Variants in TNR observed in about 807,000 individuals in gnomAD.
The protein encoded by TNR is tenascin-R.
Under a neutral mutation model 150.4 loss-of-function variants are expected in TNR, and 45 were observed. The ratio of observed to expected loss-of-function variants is 0.30; its 90% CI spans 0.24 to 0.38. The LOEUF (loss-of-function observed/expected upper bound fraction) is 0.38. Among genes scored for constraint, TNR ranks in the 10% least tolerant of loss-of-function variants. The probability of loss-of-function intolerance (pLI) is 1.00; values close to 1 mark genes in which losing one functional copy is unlikely to be tolerated. For synonymous variants in TNR, 687 were observed against 678.4 expected (o/e 1.01, Z -0.20); for missense variants, 1,544 against 1,759.1 (o/e 0.88, Z 2.19).
intron 1 of TNR, among the ~76,000 whole-genome samples, chr1:175,589,886 T>C (rs373136553): frequency 3.5e-4 from 54 of 152,178 alleles, no homozygotes; most frequent in African/African-American, 1.3e-3. Flanking sequence ...TTAGGAGAAA[T>C]ACCTAATGTA....
At chr1:175,354,314 A>G in intron 18 of TNR, 77 bp downstream of exon 18, 1 of 1,559,006 alleles carries the variant, frequency 6.4e-7, no homozygotes, top group Non-Finnish European at 8.7e-7. Flanking sequence ...TCCCAGAGCA[A>G]GTCTCAGCAG....
chr1:175,460,326 C>T (rs954883314), intron 2 of TNR, among the ~76,000 whole-genome samples: 17 of 152,186 alleles, frequency 1.1e-4, no homozygotes, highest in Middle Eastern at 3.4e-3. Flanking sequence ...CAAAGCAAGT[C>T]CAAGAGACCC....
intron 1 of TNR, among the ~76,000 whole-genome samples, chr1:175,565,465 T>C (rs1230093641): frequency 6.6e-6 from 1 of 152,194 alleles, no homozygotes; most frequent in Non-Finnish European, 1.5e-5. Flanking sequence ...TGAATAATAA[T>C]GCCACCCACT....
At chr1:175,696,478 C>T (rs1452606234) in intron 1 of TNR, among the ~76,000 whole-genome samples, 1 of 151,926 alleles carries the variant, frequency 6.6e-6, no homozygotes, top group Non-Finnish European at 1.5e-5. Context: ...CCTTAATTGA[C>T]AAGCCTTGAG....
At chr1:175,600,177 T>C (rs1372773786) in intron 1 of TNR, among the ~76,000 whole-genome samples, 3 of 152,208 alleles carry the variant, frequency 2.0e-5, no homozygotes, top group Non-Finnish European at 4.4e-5. Flanking sequence ...TCTGCATTTG[T>C]ACAATGGAGA....
At chr1:175,588,215 T>C (rs765602551) in intron 1 of TNR, among the ~76,000 whole-genome samples, 9 of 152,362 alleles carry the variant, frequency 5.9e-5, no homozygotes, top group South Asian at 2.1e-4. Flanking sequence ...AATTCAAGCA[T>C]TGAATAAGCA....
chr1:175,411,243 G>A (rs531488971), intron 2 of TNR, among the ~76,000 whole-genome samples: 11 of 152,102 alleles, frequency 7.2e-5, no homozygotes, highest in Non-Finnish European at 1.5e-4. Flanking sequence ...AAGTGTTCAG[G>A]TACAAGCGGA....
chr1:175,435,186 G>A (rs1655446389), intron 2 of TNR, among the ~76,000 whole-genome samples: 1 of 152,148 alleles, frequency 6.6e-6, no homozygotes, highest in Non-Finnish European at 1.5e-5. Flanking sequence ...GTGCAAGTTG[G>A]AAGTAGAAAT....
At chr1:175,619,968 C>G (rs760279032) in intron 1 of TNR, among the ~76,000 whole-genome samples, 1 of 152,192 alleles carries the variant, frequency 6.6e-6, no homozygotes, top group Non-Finnish European at 1.5e-5. Flanking sequence ...ACTTACCCAT[C>G]TATAAAATGG....
intron 1 of TNR, among the ~76,000 whole-genome samples, chr1:175,671,586 G>A (rs1390872742): frequency 1.3e-5 from 2 of 152,244 alleles, no homozygotes; most frequent in Non-Finnish European, 2.9e-5. Flanking sequence ...AGTACAGCAA[G>A]TGAAATTTGA....
intron 1 of TNR, among the ~76,000 whole-genome samples, chr1:175,640,791 G>GTATATATATA (rs59240572): frequency 2.2e-4 from 32 of 143,644 alleles, no homozygotes; most frequent in African/African-American, 4.9e-4. Context: ...GTGTGTGTGG[G>GTATATATATA]TATATATATA....
At chr1:175,420,044 G>A (rs1377396075) in intron 2 of TNR, among the ~76,000 whole-genome samples, 8 of 152,236 alleles carry the variant, frequency 5.3e-5, no homozygotes, top group Admixed American at 1.3e-4. Context: ...AGGCTGCCTC[G>A]GGCTGGCTGT....
At chr1:175,388,667 C>G (rs905855723) in intron 7 of TNR, among the ~76,000 whole-genome samples, 1 of 152,222 alleles carries the variant, frequency 6.6e-6, no homozygotes, top group Non-Finnish European at 1.5e-5. Flanking sequence ...TTGCTTTCAG[C>G]TTTGGTCCTA....
chr1:175,515,344 C>G (rs1447072871), intron 2 of TNR, among the ~76,000 whole-genome samples: 1 of 152,164 alleles, frequency 6.6e-6, no homozygotes, highest in East Asian at 1.9e-4. Flanking sequence ...ATTGAATGCT[C>G]TGTTCAATAA....
intron 9 of TNR, among the ~76,000 whole-genome samples, chr1:175,377,660 C>T (rs568091332): frequency 4.6e-5 from 7 of 152,224 alleles, no homozygotes; most frequent in African/African-American, 1.4e-4. Context: ...TTTACTTTAA[C>T]TGGCTGTGTT....
At chr1:175,401,262 C>T (rs1408743514) in intron 4 of TNR, among the ~76,000 whole-genome samples, 2 of 152,110 alleles carry the variant, frequency 1.3e-5, no homozygotes, top group Admixed American at 1.3e-4. Context: ...CAGGTATGTC[C>T]AGACCGCCAA....
chr1:175,487,869 A>T (rs1444873506), intron 2 of TNR, among the ~76,000 whole-genome samples: 1 of 152,176 alleles, frequency 6.6e-6, no homozygotes, highest in East Asian at 1.9e-4. Context: ...CTGATCACTT[A>T]TCAGGAATTT....
chr1:175,515,183 A>G (rs1023089441), intron 2 of TNR, among the ~76,000 whole-genome samples: 3 of 152,180 alleles, frequency 2.0e-5, no homozygotes, highest in Non-Finnish European at 4.4e-5. Context: ...TATTTCTTGT[A>G]TTCTGTCATT....
intron 1 of TNR, among the ~76,000 whole-genome samples, chr1:175,651,618 ATTT>A (rs1413410282): frequency 1.3e-5 from 2 of 152,114 alleles, no homozygotes; most frequent in African/African-American, 2.4e-5. Context: ...AGGCCTGGTC[ATTT>A]ATACAGGCAC....
Sources: allele counts gnomAD v4.1 joint callset (sites outside exome capture counted in the v4.1 genomes callset), GRCh38; gene constraint gnomAD v4.1.1; transcripts MANE v1.5; gene names NCBI Gene and HGNC (gene_info 2026-07-23, HGNC 2026-07-21).